FBXO11: variants seen among roughly 807,000 people sequenced by gnomAD.
FBXO11 encodes F-box protein 11, also known as F-box only protein 11.
FBXO11 carries 13 observed loss-of-function variants against 117.0 expected under a neutral mutation model. The observed-to-expected ratio is 0.11, with a 90% CI of 0.07 to 0.18. FBXO11 has a LOEUF of 0.18. FBXO11 is among the 10% of genes least tolerant of loss of function. FBXO11 has a pLI of 1.00. For missense variants in FBXO11, 767 were observed against 1,164.4 expected (o/e 0.66, Z 4.97); for synonymous variants, 490 against 380.5 (o/e 1.29, Z -3.35).
chr2:47,860,289 G>C (rs1470746134), intron 1 of FBXO11, among the ~76,000 whole-genome samples: 4 of 152,012 alleles, frequency 2.6e-5, no homozygotes, highest in Admixed American at 6.6e-5. Context: ...CAGAACCAAA[G>C]AATCTCCAAC....
At chr2:47,813,005 A>G in intron 18 of FBXO11, 1 of 529,762 alleles carries the variant, frequency 1.9e-6, no homozygotes. Flanking sequence ...TCTATCTTTA[A>G]AAAGGCTTAC....
intron 1 of FBXO11, among the ~76,000 whole-genome samples, chr2:47,893,648 C>G (rs1677435504): frequency 6.6e-6 from 1 of 152,162 alleles, no homozygotes; most frequent in Non-Finnish European, 1.5e-5. Flanking sequence ...ACTACGTTTG[C>G]ATGGTGATAA....
chr2:47,882,233 T>C (rs988881662), intron 1 of FBXO11, among the ~76,000 whole-genome samples: 1 of 152,192 alleles, frequency 6.6e-6, no homozygotes, highest in African/African-American at 2.4e-5. Flanking sequence ...AGCTCGCACT[T>C]TACTTTCTTA....
At chr2:47,867,890 T>C (rs1410705763) in intron 1 of FBXO11, among the ~76,000 whole-genome samples, 3 of 152,214 alleles carry the variant, frequency 2.0e-5, no homozygotes, top group African/African-American at 7.2e-5. Context: ...ATTCATCCCA[T>C]GTTAGTTTCT....
chr2:47,810,118 A>C, intron 19 of FBXO11, 198 bp downstream of exon 19: 1 of 528,696 alleles, frequency 1.9e-6, no homozygotes, highest in East Asian at 3.1e-5. Flanking sequence ...AATAAGAGCA[A>C]TATTTCTTAG....
At chr2:47,881,858 G>A (rs111709492) in intron 1 of FBXO11, among the ~76,000 whole-genome samples, 3 of 151,724 alleles carry the variant, frequency 2.0e-5, no homozygotes, top group Non-Finnish European at 4.4e-5. Context: ...AGTGATTCTC[G>A]TGCCTCAGCC....
chr2:47,904,894 G>T (rs895638004), intron 1 of FBXO11, among the ~76,000 whole-genome samples: 1 of 151,936 alleles, frequency 6.6e-6, no homozygotes, highest in African/African-American at 2.4e-5. Flanking sequence ...GTTGGGAGAG[G>T]AGTCGCTGCT....
chr2:47,807,976 T>G lies in FBXO11; in HGVS notation c.*142A>C. The G allele has an allele frequency of 1.3e-6, 1 of 742,534 alleles. No homozygotes were observed. Among genetic ancestry groups the G allele is most frequent in the Non-Finnish European group, 2.2e-6 (1 of 456,174 alleles). 46.0% of individuals were successfully genotyped at this position (742,534 alleles called of 1,614,324 possible). A position where few individuals can be genotyped will look rare whatever the true frequency, so the allele number is the denominator to read the frequency against. Reference sequence around the variant, plus strand: ...CCACTTTCTTTTTGGTAGCTTGAGCTTCATAGTGTCAACTGACCTTGTGTA... The same window carrying G: ...CCACTTTCTTTTTGGTAGCTTGAGCGTCATAGTGTCAACTGACCTTGTGTA... On this transcript the variant is annotated 3_prime_UTR_variant, in exon 23 of 23. Transcript: ENST00000403359.
chr2:47,862,681 C>T (rs1674868738), intron 1 of FBXO11, among the ~76,000 whole-genome samples: 2 of 152,138 alleles, frequency 1.3e-5, no homozygotes, highest in Admixed American at 1.3e-4. Flanking sequence ...GCAGTGATCA[C>T]CACAGTACAA....
chr2:47,906,029 GA>G lies in FBXO11; in HGVS notation c.-310del. 8.3e-6 allele frequency: 2 copies of G among 242,418 alleles called. No homozygotes were observed. Among genetic ancestry groups the G allele is most frequent in the South Asian group, 6.4e-5 (1 of 15,642 alleles). 15.0% of individuals were successfully genotyped at this position (242,418 alleles called of 1,614,324 possible). A position where few individuals can be genotyped will look rare whatever the true frequency, so the allele number is the denominator to read the frequency against. On this transcript the variant is annotated 5_prime_UTR_variant, in exon 1 of 23. Transcript: ENST00000403359. Reference sequence around the variant, plus strand: ...AGACGGGCAGACCGAGAGAAAGAAAGAAAGGGCGTCCGCCGCTTGGGGATCC... The same window carrying G: ...AGACGGGCAGACCGAGAGAAAGAAAGAAGGGCGTCCGCCGCTTGGGGATCC...
chr2:47,905,356 G>T, intron 1 of FBXO11, 133 bp downstream of exon 1: 1 of 923,502 alleles, frequency 1.1e-6, no homozygotes, highest in Non-Finnish European at 1.4e-6. Context: ...CGGGGGACCC[G>T]CCTCCGCTCA....
intron 1 of FBXO11, among the ~76,000 whole-genome samples, chr2:47,864,555 C>T (rs1420406611): frequency 6.6e-6 from 1 of 152,106 alleles, no homozygotes; most frequent in Non-Finnish European, 1.5e-5. Flanking sequence ...CCACTGCACT[C>T]CAGGCTGGAC....
chr2:47,899,135 G>A (rs991212724), intron 1 of FBXO11, among the ~76,000 whole-genome samples: 7 of 151,872 alleles, frequency 4.6e-5, no homozygotes, highest in Admixed American at 1.3e-4. Context: ...TTAGCCGGGC[G>A]TGGTGGTGGG....
intron 1 of FBXO11, among the ~76,000 whole-genome samples, chr2:47,893,929 A>T (rs1353844351): frequency 6.6e-6 from 1 of 152,238 alleles, no homozygotes; most frequent in Non-Finnish European, 1.5e-5. Context: ...AGTCTCCTCC[A>T]CACTGCTTTT....
chr2:47,847,810 C>A (rs755365120), intron 1 of FBXO11, among the ~76,000 whole-genome samples: 5 of 151,928 alleles, frequency 3.3e-5, no homozygotes, highest in Non-Finnish European at 7.4e-5. Flanking sequence ...CTGTGTTAGA[C>A]AGACTGTGTG....
At chr2:47,903,847 CAGA>C (rs1028417502) in intron 1 of FBXO11, among the ~76,000 whole-genome samples, 14 of 152,164 alleles carry the variant, frequency 9.2e-5, no homozygotes, top group African/African-American at 2.9e-4. Context: ...AACGGAACAT[CAGA>C]AGAACACTGA....
chr2:47,810,612 A>C (rs1463807272), intron 18 of FBXO11, 186 bp from the exon 19 acceptor site: 1 of 492,274 alleles, frequency 2.0e-6, no homozygotes, highest in East Asian at 3.4e-5. Flanking sequence ...AAATTGCTAC[A>C]ATGACAGGTA....
intron 1 of FBXO11, among the ~76,000 whole-genome samples, chr2:47,864,679 T>C (rs942218203): frequency 5.9e-5 from 9 of 152,078 alleles, no homozygotes; most frequent in South Asian, 4.1e-4. Flanking sequence ...AAACAAACAA[T>C]AGAGGCTCTG....
chr2:47,853,574 T>C (rs1050115943), intron 1 of FBXO11, among the ~76,000 whole-genome samples: 1 of 152,164 alleles, frequency 6.6e-6, no homozygotes, highest in African/African-American at 2.4e-5. Context: ...TTGGTTACAT[T>C]CCTGGCTTAG....
Sources: gnomAD v4.1 joint callset for allele counts (sites outside exome capture counted in the v4.1 genomes callset) on GRCh38, gnomAD v4.1.1 for gene constraint, MANE v1.5 for transcripts, NCBI Gene and HGNC (gene_info 2026-07-23, HGNC 2026-07-21) for gene names.